CSMD1: variants seen among roughly 807,000 people sequenced by gnomAD.
CSMD1 encodes the protein CUB and sushi domain-containing protein 1.
Under a neutral mutation model 417.5 loss-of-function variants are expected in CSMD1, and 213 were observed. That is an observed-to-expected ratio of 0.51 (90% confidence interval 0.46 to 0.57). The LOEUF (loss-of-function observed/expected upper bound fraction) is 0.57. Ranked by LOEUF, CSMD1 falls within the 20% of genes least tolerant of loss-of-function variation. The probability of loss-of-function intolerance (pLI) is 0.00; values close to 1 mark genes in which losing one functional copy is unlikely to be tolerated. For missense variants in CSMD1, 6,923 were observed against 4,529.7 expected (o/e 1.53, Z -15.17); for synonymous variants, 2,862 against 1,736.8 (o/e 1.65, Z -16.11).
chr8:3,864,293 T>G (rs891509105), intron 5 of CSMD1, among the ~76,000 whole-genome samples: 7 of 152,146 alleles, frequency 4.6e-5, no homozygotes, highest in African/African-American at 9.7e-5. Flanking sequence ...TGGCCAATAT[T>G]TGTTGAGCTC....
chr8:2,944,025 T>C (rs190843855), intron 68 of CSMD1, among the ~76,000 whole-genome samples: 5 of 152,234 alleles, frequency 3.3e-5, no homozygotes, highest in African/African-American at 1.2e-4. Context: ...TGCCATTTGC[T>C]TCAATAGATG....
chr8:3,455,056 T>C (rs1445981995), intron 12 of CSMD1, among the ~76,000 whole-genome samples: 1 of 152,228 alleles, frequency 6.6e-6, no homozygotes, highest in Non-Finnish European at 1.5e-5. Flanking sequence ...CTTCATTTCA[T>C]TCATTTGATC....
chr8:3,758,404 C>T (rs977163855), intron 5 of CSMD1, among the ~76,000 whole-genome samples: 3 of 152,126 alleles, frequency 2.0e-5, no homozygotes, highest in Non-Finnish European at 2.9e-5. Context: ...TGACCTTTTG[C>T]GTTAAACAAA....
chr8:4,072,745 T>C (rs905958376), intron 3 of CSMD1, among the ~76,000 whole-genome samples: 1 of 152,206 alleles, frequency 6.6e-6, no homozygotes, highest in African/African-American at 2.4e-5. Context: ...AACTTTTGCC[T>C]TACTCTCTGC....
chr8:4,198,222 G>C (rs190057491), intron 3 of CSMD1, among the ~76,000 whole-genome samples: 1 of 152,202 alleles, frequency 6.6e-6, no homozygotes, highest in African/African-American at 2.4e-5. Context: ...ACAAAGAGGT[G>C]CGGAGCACCA....
chr8:4,189,777 C>G (rs982012348), intron 3 of CSMD1, among the ~76,000 whole-genome samples: 2 of 152,064 alleles, frequency 1.3e-5, no homozygotes, highest in Non-Finnish European at 2.9e-5. Flanking sequence ...AACAGGCACA[C>G]AAAGGATAAT....
chr8:2,950,541 T>G (rs1317282213), intron 66 of CSMD1, among the ~76,000 whole-genome samples, 198 bp from the exon 67 acceptor site: 3 of 152,212 alleles, frequency 2.0e-5, no homozygotes, highest in Admixed American at 6.5e-5. Flanking sequence ...TAAATCCTTG[T>G]CTATCTTGAA....
At chr8:4,388,332 A>G (rs1803609884) in intron 3 of CSMD1, among the ~76,000 whole-genome samples, 1 of 151,896 alleles carries the variant, frequency 6.6e-6, no homozygotes, top group African/African-American at 2.4e-5. Context: ...ACACACACAC[A>G]CACACACACA....
At chr8:3,523,380 G>T (rs1275573077) in intron 10 of CSMD1, among the ~76,000 whole-genome samples, 1 of 152,188 alleles carries the variant, frequency 6.6e-6, no homozygotes, top group East Asian at 1.9e-4. Flanking sequence ...GGAACTTTGA[G>T]GGACAAAGAA....
rs757297936 is a variant in CSMD1, at chr8:4,151,814, AG to A, written c.416-119716del. 9.9e-5 allele frequency among the ~76,000 whole-genome samples: 15 copies of A among 152,274 alleles called. No individual in the cohort carries two copies. In the South Asian group the frequency reaches 2.1e-3, roughly 21 times the overall value. On this transcript the variant is annotated intron_variant, in intron 3 of 69. Coordinates refer to ENST00000635120, the MANE Select transcript of CSMD1 (RefSeq NM_033225.6). ...TTTTATATGAAAAATAATTGTTCGAAGTTTTTTTATATATATAGCATGAATC... is the reference window on the plus strand; with the variant it reads ...TTTTATATGAAAAATAATTGTTCGAATTTTTTTATATATATAGCATGAATC...
intron 1 of CSMD1, among the ~76,000 whole-genome samples, chr8:4,855,351 G>A (rs938187793): frequency 2.0e-5 from 3 of 152,146 alleles, no homozygotes; most frequent in Non-Finnish European, 2.9e-5. Flanking sequence ...CCAAAAAGCA[G>A]AGCGCCTCTC....
chr8:4,105,422 T>C (rs1427138404), intron 3 of CSMD1, among the ~76,000 whole-genome samples: 1 of 152,194 alleles, frequency 6.6e-6, no homozygotes, highest in Non-Finnish European at 1.5e-5. Flanking sequence ...GGAAAGAGCA[T>C]GGACACTGGT....
intron 59 of CSMD1, among the ~76,000 whole-genome samples, chr8:2,965,535 C>T (rs927350539): frequency 5.3e-5 from 8 of 152,194 alleles, no homozygotes; most frequent in Non-Finnish European, 1.0e-4. Flanking sequence ...ACCCCGACAT[C>T]TCCAGTTCCT....
At chr8:3,822,582 T>A (rs969342672) in intron 5 of CSMD1, among the ~76,000 whole-genome samples, 2 of 152,178 alleles carry the variant, frequency 1.3e-5, no homozygotes, top group African/African-American at 2.4e-5. Flanking sequence ...CATGGGTTTA[T>A]TGGTAACTTT....
chr8:3,481,830 C>T (rs1817766115), intron 11 of CSMD1, among the ~76,000 whole-genome samples: 2 of 152,160 alleles, frequency 1.3e-5, no homozygotes, highest in Admixed American at 6.5e-5. Flanking sequence ...GTGATTACAG[C>T]TCTGCCCACA....
intron 11 of CSMD1, among the ~76,000 whole-genome samples, chr8:3,485,782 TAAAATAAAATA>T (rs1817996733): frequency 8.3e-6 from 1 of 119,952 alleles, no homozygotes; most frequent in Non-Finnish European, 1.7e-5. Context: ...TAAAATAAAA[TAAAATAAAATA>T]AAATAAAATA....
intron 28 of CSMD1, among the ~76,000 whole-genome samples, chr8:3,220,485 G>A (rs1214574852): frequency 1.3e-5 from 2 of 152,188 alleles, no homozygotes; most frequent in African/African-American, 4.8e-5. Flanking sequence ...GCTTGGTTAA[G>A]ATGTCTAAGA....
chr8:4,369,478 T>C (rs2128911997), intron 3 of CSMD1, among the ~76,000 whole-genome samples: 1 of 152,248 alleles, frequency 6.6e-6, no homozygotes, highest in East Asian at 1.9e-4. Flanking sequence ...AGTGTCAAGG[T>C]TAAGTTCAAA....
chr8:4,078,896 A>AAC (rs1799974255), intron 3 of CSMD1, among the ~76,000 whole-genome samples: 1 of 43,550 alleles, frequency 2.3e-5, no homozygotes, highest in Non-Finnish European at 4.7e-5. Context: ...AATAATAATA[A>AAC]ATATATATAT....
Sources: gnomAD v4.1 joint callset for allele counts (sites outside exome capture counted in the v4.1 genomes callset) on GRCh38, gnomAD v4.1.1 for gene constraint, MANE v1.5 for transcripts, NCBI Gene and HGNC (gene_info 2026-07-23, HGNC 2026-07-21) for gene names.